Variants in ELK3 observed in about 807,000 individuals in gnomAD.
ELK3 encodes ETS domain-containing protein Elk-3.
ELK3 carries 10 observed loss-of-function variants against 28.9 expected under a neutral mutation model. The ratio of observed to expected loss-of-function variants is 0.35; its 90% CI spans 0.21 to 0.59. The LOEUF (loss-of-function observed/expected upper bound fraction) is 0.59. Among genes scored for constraint, ELK3 ranks in the 20% least tolerant of loss-of-function variants. The pLI, the probability that ELK3 is intolerant of heterozygous loss-of-function variation, is 0.82. For synonymous variants in ELK3, 272 were observed against 243.5 expected, an observed-to-expected ratio of 1.12 and a Z score of -1.09; for missense variants, 463 against 517.3, an observed-to-expected ratio of 0.90 and a Z score of 1.02.
chr12:96,230,314 G>A (rs1402004443), intron 2 of ELK3, among the ~76,000 whole-genome samples: 2 of 152,132 alleles, frequency 1.3e-5, no homozygotes, highest in Non-Finnish European at 2.9e-5. Flanking sequence ...ATTCCCCAGC[G>A]ACACATTTCT....
At chr12:96,244,318 TC>T (rs1358344466) in intron 2 of ELK3, among the ~76,000 whole-genome samples, 1 of 152,168 alleles carries the variant, frequency 6.6e-6, no homozygotes, top group South Asian at 2.1e-4. Context: ...GCCTTTCAGT[TC>T]CCAACCATTT....
chr12:96,246,324 G>T, intron 2 of ELK3, among the ~76,000 whole-genome samples: 2 of 152,234 alleles, frequency 1.3e-5, no homozygotes, highest in Middle Eastern at 6.8e-3. Context: ...TGTTCAGATT[G>T]TATGAGATAA....
At chr12:96,199,537 T>C (rs979413434) in intron 1 of ELK3, among the ~76,000 whole-genome samples, 4 of 151,848 alleles carry the variant, frequency 2.6e-5, no homozygotes, top group African/African-American at 7.3e-5. Context: ...ATTCTAAATG[T>C]CTTCAAAAAT....
At chr12:96,226,702 A>G (rs1951704271) in intron 2 of ELK3, among the ~76,000 whole-genome samples, 1 of 152,256 alleles carries the variant, frequency 6.6e-6, no homozygotes, top group African/African-American at 2.4e-5. Context: ...GCACACGCAT[A>G]CATGTACATG....
intron 1 of ELK3, among the ~76,000 whole-genome samples, chr12:96,206,707 G>T (rs1951540500): frequency 6.6e-6 from 1 of 152,192 alleles, no homozygotes; most frequent in African/African-American, 2.4e-5. Context: ...GTAATAAGTT[G>T]TATATGACAT....
chr12:96,268,249 C>CA lies in ELK3; in HGVS notation c.*1074dup, dbSNP rs1237608381. On this transcript the variant is annotated 3_prime_UTR_variant, in exon 5 of 5. Coordinates refer to ENST00000228741, the MANE Select transcript of ELK3 (RefSeq NM_005230.4). ...TAGGTGTTCACAATTTTTGATGGAT[C>CA]AAAAACTTGCTGTAATACAAATAGA... 6.6e-6 allele frequency: 1 copy of CA among 152,160 alleles called. No homozygotes were observed. Among genetic ancestry groups the CA allele is most frequent in the African/African-American group, 2.4e-5 (1 of 41,432 alleles). 9.4% of individuals were successfully genotyped at this position (152,160 alleles called of 1,614,324 possible). A position where few individuals can be genotyped will look rare whatever the true frequency, so the allele number is the denominator to read the frequency against.
At position 96,228,442 on chromosome 12, in the gene ELK3, A is replaced by AAAAAAAAAAAAAAAAAAAAAG. The variant is rs761298726; in HGVS notation, c.207+4671_207+4672insAAAAAAAAAAAAAAAAAAGAA. Among the ~76,000 whole-genome samples, 42 of 142,628 alleles carry AAAAAAAAAAAAAAAAAAAAAG rather than the reference A, an allele frequency of 2.9e-4. 1 individual carries two copies. The highest frequency in any genetic ancestry group is 5.1e-4 in the Non-Finnish European group (33 of 64,800). The allele number at this position is 142,628 out of a possible 152,430, so 93.6% of individuals were successfully genotyped here. On this transcript the variant is annotated intron_variant, in intron 2 of 4. Coordinates refer to ENST00000228741, the MANE Select transcript of ELK3 (RefSeq NM_005230.4). The stretch of plus-strand genomic sequence containing the variant: ...AAAAAAAAAAAAAAAAAAAAAAAAA[A>AAAAAAAAAAAAAAAAAAAAAG]AAGAAGATCAAAACCTTTGTTGCTA...
At chr12:96,202,119 C>G (rs939395133) in intron 1 of ELK3, among the ~76,000 whole-genome samples, 4 of 152,168 alleles carry the variant, frequency 2.6e-5, no homozygotes, top group Non-Finnish European at 5.9e-5. Context: ...CCTCTGCACC[C>G]GCTCTGATCC....
At chr12:96,232,962 C>A (rs1360246578) in intron 2 of ELK3, among the ~76,000 whole-genome samples, 1 of 152,078 alleles carries the variant, frequency 6.6e-6, no homozygotes, top group Non-Finnish European at 1.5e-5. Flanking sequence ...AGTGAAAGAG[C>A]AAAACTCTGT....
chr12:96,242,331 C>T (rs1424333512), intron 2 of ELK3, among the ~76,000 whole-genome samples: 1 of 152,168 alleles, frequency 6.6e-6, no homozygotes, highest in East Asian at 1.9e-4. Context: ...ATAATTTATA[C>T]TTTCCGAGCC....
At chr12:96,225,113 TG>T (rs1189196119) in intron 2 of ELK3, among the ~76,000 whole-genome samples, 1 of 152,260 alleles carries the variant, frequency 6.6e-6, no homozygotes, top group Non-Finnish European at 1.5e-5. Flanking sequence ...GCCTCGCAGA[TG>T]GCTTATTGTT....
chr12:96,215,311 T>G (rs1314670564), intron 1 of ELK3, among the ~76,000 whole-genome samples: 1 of 152,182 alleles, frequency 6.6e-6, no homozygotes, highest in African/African-American at 2.4e-5. Context: ...AAAAACCTCA[T>G]ACTTTGCATA....
intron 1 of ELK3, among the ~76,000 whole-genome samples, chr12:96,216,758 G>GTA (rs1951621607): frequency 6.6e-6 from 1 of 152,172 alleles, no homozygotes; most frequent in African/African-American, 2.4e-5. Context: ...CAACAACCCT[G>GTA]TATGATATGA....
chr12:96,243,158 G>A (rs1047533649), intron 2 of ELK3, among the ~76,000 whole-genome samples: 1 of 152,212 alleles, frequency 6.6e-6, no homozygotes, highest in East Asian at 1.9e-4. Flanking sequence ...TTAAAAACCA[G>A]CTTCATTAAG....
At chr12:96,266,734 CATT>C (rs1031337182) in intron 4 of ELK3, among the ~76,000 whole-genome samples, 4 of 152,036 alleles carry the variant, frequency 2.6e-5, no homozygotes, top group Non-Finnish European at 4.4e-5. Flanking sequence ...TAATATTAAA[CATT>C]ATTTTAATAT....
intron 1 of ELK3, among the ~76,000 whole-genome samples, chr12:96,206,022 C>G (rs1477068237): frequency 1.3e-5 from 2 of 152,140 alleles, no homozygotes; most frequent in Admixed American, 6.5e-5. Context: ...TCAGATGACC[C>G]AAGTGTACTG....
intron 3 of ELK3, among the ~76,000 whole-genome samples, chr12:96,250,495 G>C (rs1278623964): frequency 6.6e-6 from 1 of 152,170 alleles, no homozygotes; most frequent in Non-Finnish European, 1.5e-5. Flanking sequence ...GCTGCTTCAG[G>C]GGGTGCCCCA....
intron 2 of ELK3, among the ~76,000 whole-genome samples, chr12:96,226,771 G>A (rs149561779): frequency 3.9e-5 from 6 of 151,972 alleles, no homozygotes; most frequent in African/African-American, 1.5e-4. Context: ...GAGCAAGACG[G>A]AAAGTTAGAC....
rs71091236 is a variant in ELK3 at position 96,228,416 on chromosome 12, CAAAAAAAAAAAA to C, written c.207+4660_207+4671del. ...CTGGCGACAGAGTGAGACTCTGTGT[CAAAAAAAAAAAA>C]AAAAAAAAAAAAAAAAGAAGATCAA... On this transcript the variant is annotated intron_variant, in intron 2 of 4. Coordinates refer to ENST00000228741, the MANE Select transcript of ELK3 (RefSeq NM_005230.4). Among the ~76,000 whole-genome samples, 67 of 68,332 alleles carry C rather than the reference CAAAAAAAAAAAA, an allele frequency of 9.8e-4. 2 individuals are homozygous for C. The highest frequency in any genetic ancestry group is 7.6e-3 in the Admixed American group (39 of 5,138). The allele number at this position is 68,332 out of a possible 152,430, so 44.8% of individuals were successfully genotyped here.
Sources: gnomAD v4.1 joint callset for allele counts (sites outside exome capture counted in the v4.1 genomes callset) on GRCh38, gnomAD v4.1.1 for gene constraint, MANE v1.5 for transcripts, NCBI Gene and HGNC (gene_info 2026-07-23, HGNC 2026-07-21) for gene names.